TTC19: variants seen among roughly 807,000 people sequenced by gnomAD.
TTC19 encodes the protein tetratricopeptide repeat domain 19, also known as tetratricopeptide repeat protein 19, mitochondrial.
In TTC19, 38 loss-of-function variants were observed where a neutral mutation model predicts 49.5. The ratio of observed to expected loss-of-function variants is 0.77; its 90% CI spans 0.59 to 1.01. The LOEUF (loss-of-function observed/expected upper bound fraction) is 1.01. Among genes scored for constraint, TTC19 ranks in the 50% least tolerant of loss-of-function variants. The pLI is 0.00. For synonymous variants in TTC19, 204 were observed against 185.2 expected, an observed-to-expected ratio of 1.10 and a Z score of -0.83; for missense variants, 475 against 477.7, an observed-to-expected ratio of 0.99 and a Z score of 0.05.
At chr17:16,029,578 A>T (rs1056709961), downstream of TTC19, 2 of 205,978 alleles carry the variant, frequency 9.7e-6, no homozygotes, top group Admixed American at 5.4e-5. Flanking sequence ...GGGTGCTAAA[A>T]AAATCACGTG....
rs1031793575 is a variant in TTC19, at chr17:16,027,769, G to C, written c.*247G>C. On this transcript the variant is annotated 3_prime_UTR_variant, in exon 10 of 10. Coordinates refer to ENST00000261647, the MANE Select transcript of TTC19 (RefSeq NM_017775.4). ...CAAGTGATGCTTTCAGTTGTAACAC[G>C]TGACTTGGTGCTGTCCCTGCTGGTC... The C allele has an allele frequency of 3.5e-6, 2 of 567,742 alleles. No individual in the cohort carries two copies. Among genetic ancestry groups the C allele is most frequent in the South Asian group, 3.1e-5 (2 of 65,516 alleles). The allele number at this position is 567,742 out of a possible 1,614,324, so 35.2% of individuals were successfully genotyped here. A position where few individuals can be genotyped will look rare whatever the true frequency, so the allele number is the denominator to read the frequency against.
At chr17:16,011,266 C>T (rs1267479202) in intron 7 of TTC19, among the ~76,000 whole-genome samples, 2 of 152,176 alleles carry the variant, frequency 1.3e-5, no homozygotes, top group African/African-American at 2.4e-5. Flanking sequence ...CAGCAAGCTC[C>T]ACCTCCTGGG....
At chr17:16,040,077 A>ACC (rs2057274461) in intron 2 of TTC19, 1 of 457,182 alleles carries the variant, frequency 2.2e-6, no homozygotes, top group African/African-American at 2.0e-5. Context: ...GGCGTGAGCC[A>ACC]CCGCACCCAG....
chr17:16,024,894 A>C (rs1971499712), intron 7 of TTC19, 123 bp from the exon 8 acceptor site: 3 of 892,728 alleles, frequency 3.4e-6, no homozygotes, highest in Non-Finnish European at 5.6e-6. Context: ...TAGGTCATTT[A>C]ACTGGATGTT....
chr17:16,012,608 G>A (rs1312970551), intron 7 of TTC19, among the ~76,000 whole-genome samples: 2 of 151,648 alleles, frequency 1.3e-5, no homozygotes, highest in African/African-American at 2.4e-5. Flanking sequence ...GCATGATCTC[G>A]GCTCACTGCA....
chr17:16,025,679 G>A (rs1971530924), intron 8 of TTC19, among the ~76,000 whole-genome samples: 1 of 152,204 alleles, frequency 6.6e-6, no homozygotes. Context: ...TAAACACATT[G>A]AATTGAAATC....
chr17:16,043,390 A>G (rs910034753), intron 2 of TTC19, among the ~76,000 whole-genome samples: 1 of 152,166 alleles, frequency 6.6e-6, no homozygotes, highest in Admixed American at 6.5e-5. Context: ...CCACCATGAA[A>G]AATAGTTCTT....
intron 7 of TTC19, among the ~76,000 whole-genome samples, chr17:16,018,291 G>A (rs1029573055): frequency 6.6e-6 from 1 of 152,104 alleles, no homozygotes; most frequent in Non-Finnish European, 1.5e-5. Context: ...GTTCTCTGGA[G>A]CTTCTGTAGT....
intron 7 of TTC19, among the ~76,000 whole-genome samples, chr17:16,016,480 C>A (rs1423087479): frequency 6.7e-6 from 1 of 150,128 alleles, no homozygotes; most frequent in African/African-American, 2.5e-5. Context: ...CTATGAATGT[C>A]TGTTAGGTCT....
chr17:16,026,717 AAACTT>A lies in TTC19; in HGVS notation c.994+20_994+24del, dbSNP rs763746401. Reference sequence around the variant, plus strand: ...GATGCACAGAGGTAGGTAGCAATGTAAACTTAACTGACTTGCTTTAAGGGAGGGAT... The same window carrying A: ...GATGCACAGAGGTAGGTAGCAATGTAAACTGACTTGCTTTAAGGGAGGGAT... On this transcript the variant is annotated intron_variant, in intron 9 of 9. Transcript: ENST00000261647. 1.9e-6 allele frequency: 3 copies of A among 1,613,756 alleles called. No individual in the cohort carries two copies. Among genetic ancestry groups the A allele is most frequent in the Non-Finnish European group, 2.5e-6 (3 of 1,179,768 alleles).
chr17:16,038,063 A>G (rs901736885), intron 2 of TTC19, among the ~76,000 whole-genome samples: 2 of 152,154 alleles, frequency 1.3e-5, no homozygotes, highest in African/African-American at 4.8e-5. Context: ...TAAAGTTAAC[A>G]TGTATAGTTT....
downstream of TTC19, chr17:16,032,278 C>G (rs1303894163): frequency 6.3e-7 from 1 of 1,590,050 alleles, no homozygotes; most frequent in Non-Finnish European, 8.5e-7. Context: ...GCACCCTGTT[C>G]CCCTCACTTT....
downstream of TTC19, chr17:16,032,476 A>G (rs1972221603): frequency 3.2e-6 from 5 of 1,572,172 alleles, no homozygotes; most frequent in Non-Finnish European, 4.3e-6. Flanking sequence ...AAGGAAACTG[A>G]GTTGAGCCTG....
At chr17:16,002,761 A>G (rs1245654934) in intron 3 of TTC19, 32 bp from the exon 4 acceptor site, 1 of 1,610,762 alleles carries the variant, frequency 6.2e-7, no homozygotes, top group Non-Finnish European at 8.5e-7. Context: ...ACAGTATTCT[A>G]AACTGAAAAA....
intron 2 of TTC19, chr17:16,044,408 C>G (rs1567676017): frequency 2.1e-6 from 1 of 471,388 alleles, no homozygotes; most frequent in Non-Finnish European, 4.4e-6. Flanking sequence ...CCAGGCAGTT[C>G]ACAGTGCAAG....
chr17:16,011,215 C>CT (rs1472492865), intron 7 of TTC19, among the ~76,000 whole-genome samples: 2 of 152,230 alleles, frequency 1.3e-5, no homozygotes, highest in Non-Finnish European at 2.9e-5. Flanking sequence ...GAGTCTCACT[C>CT]TGTCACCCAG....
intron 7 of TTC19, among the ~76,000 whole-genome samples, chr17:16,018,083 A>C (rs1971268197): frequency 6.6e-6 from 1 of 152,104 alleles, no homozygotes; most frequent in Non-Finnish European, 1.5e-5. Flanking sequence ...TTTCTCTGTG[A>C]TCTGGAATTT....
chr17:16,011,478 A>G (rs1422974784), intron 7 of TTC19, among the ~76,000 whole-genome samples: 5 of 152,316 alleles, frequency 3.3e-5, no homozygotes, highest in Middle Eastern at 3.4e-3. Context: ...CGGCCGCGTT[A>G]TATCTTTTTC....
intron 6 of TTC19, 125 bp downstream of exon 6, chr17:16,004,387 C>T: frequency 1.1e-6 from 1 of 900,592 alleles, no homozygotes; most frequent in Non-Finnish European, 1.9e-6. Flanking sequence ...TCAAAGTGTT[C>T]CATCCCTCAT....
Sources: gnomAD v4.1 joint callset for allele counts (sites outside exome capture counted in the v4.1 genomes callset) on GRCh38, gnomAD v4.1.1 for gene constraint, MANE v1.5 for transcripts, NCBI Gene and HGNC (gene_info 2026-07-23, HGNC 2026-07-21) for gene names.